FMO4: variants seen among roughly 807,000 people sequenced by gnomAD.
FMO4 encodes flavin containing dimethylaniline monoxygenase 4.
In FMO4, 38 loss-of-function variants were observed where a neutral mutation model predicts 43.3. The ratio of observed to expected loss-of-function variants is 0.88; its 90% CI spans 0.68 to 1.15. FMO4 has a LOEUF of 1.15. FMO4 is among the 50% of genes most tolerant of loss of function. FMO4 has a pLI of 0.00. For synonymous variants in FMO4, 224 were observed against 232.2 expected (o/e 0.96, Z 0.32); for missense variants, 631 against 663.3 (o/e 0.95, Z 0.54).
Position 171,334,648 on chromosome 1 carries a change from C to G in FMO4, c.1065C>G (p.Val355=), listed in dbSNP as rs1663042491. The change falls in exon 8 of 10, where the codon GTC becomes GTG. Residue 355 remains valine (V), a synonymous_variant. Transcript: ENST00000367749. Reference sequence around the variant, plus strand: ...AGAAGATATTTCTATACAAGCAAGTCTTTCCCTTAAACCTAGAGAGAGCGA... The same window carrying G: ...AGAAGATATTTCTATACAAGCAAGTGTTTCCCTTAAACCTAGAGAGAGCGA... The part of the protein sequence containing the change: ...CTKKIFLYKQ[V]FPLNLERATL... The G allele has an allele frequency of 6.2e-7, 1 of 1,613,518 alleles. No homozygotes were observed. Among genetic ancestry groups the G allele is most frequent in the Non-Finnish European group, 8.5e-7 (1 of 1,179,470 alleles).
intron 9 of FMO4, among the ~76,000 whole-genome samples, chr1:171,338,570 T>C (rs544957970): frequency 2.0e-5 from 3 of 152,282 alleles, no homozygotes; most frequent in African/African-American, 7.2e-5. Context: ...TCAGAACCTT[T>C]ACGCTCTACT....
At position 171,334,754 on chromosome 1, in the gene FMO4, G is replaced by A. The variant is rs1003206756; in HGVS notation, c.1171G>A (p.Val391Ile). 2 of 1,545,790 alleles carry A rather than the reference G, an allele frequency of 1.3e-6. No homozygotes were observed. Among genetic ancestry groups the A allele is most frequent in the Non-Finnish European group, 1.7e-6 (2 of 1,148,180 alleles). Residue 391 changes from valine (V) to isoleucine (I), a missense_variant, in exon 8 of 10, where the codon GTA (valine) becomes ATA (isoleucine). Transcript: ENST00000367749. ...TELQARWVTR[V>I]FKGLCKIPPS... ...GCTCCAAGCACGATGGGTCACAAGA[G>A]TATTCAAAGGTACCATGACTCTACT...
chr1:171,315,691 A>G (rs1337904901), intron 1 of FMO4, among the ~76,000 whole-genome samples: 1 of 152,342 alleles, frequency 6.6e-6, no homozygotes, highest in South Asian at 2.1e-4. Context: ...GGTTGCTCCC[A>G]TTCAGAAATT....
intron 3 of FMO4, among the ~76,000 whole-genome samples, chr1:171,321,909 T>C (rs1662448082): frequency 6.6e-6 from 1 of 152,192 alleles, no homozygotes. Flanking sequence ...TGCAGCGCTG[T>C]TGGGTCATGG....
chr1:171,318,141 C>A (rs1662268694), intron 2 of FMO4, among the ~76,000 whole-genome samples: 1 of 152,030 alleles, frequency 6.6e-6, no homozygotes, highest in Admixed American at 6.6e-5. Context: ...CATGGTGAAA[C>A]CCCATGTCTA....
chr1:171,319,427 G>T (rs552437091), intron 2 of FMO4, among the ~76,000 whole-genome samples: 21 of 152,144 alleles, frequency 1.4e-4, no homozygotes, highest in Non-Finnish European at 2.9e-5. Flanking sequence ...GCAACATTGG[G>T]GTGCAAAAAC....
chr1:171,323,096 C>A lies in FMO4; in HGVS notation c.225C>A (p.His75Gln), dbSNP rs375743555. The change falls in exon 4 of 10, where the codon CAC becomes CAA. Residue 75 changes from histidine to glutamine, a missense_variant. By Grantham distance (24) the His-to-Gln change is conservative. Transcript: ENST00000367749. Reference sequence around the variant, plus strand: ...CATGTTACAGTGACTTCCCTTTCCACGAAGATTATCCTAATTTCATGAACC... The same window carrying A: ...CATGTTACAGTGACTTCCCTTTCCAAGAAGATTATCCTAATTTCATGAACC... ...EMSCYSDFPF[H>Q]EDYPNFMNHE... The A allele has an allele frequency of 6.2e-7, 1 of 1,612,930 alleles. No homozygotes were observed. Among genetic ancestry groups the A allele is most frequent in the Non-Finnish European group, 8.5e-7 (1 of 1,179,086 alleles).
intron 9 of FMO4, among the ~76,000 whole-genome samples, chr1:171,340,232 G>A (rs1663313590): frequency 6.6e-6 from 1 of 152,158 alleles, no homozygotes; most frequent in Admixed American, 6.5e-5. Context: ...GAGGGCAAGT[G>A]GATGGGAATT....
intron 9 of FMO4, 73 bp downstream of exon 9, chr1:171,337,498 A>C: frequency 9.7e-7 from 1 of 1,033,724 alleles, no homozygotes; most frequent in Non-Finnish European, 1.5e-6. Context: ...AGAGTATAAA[A>C]GCCATTCCTA....
intron 6 of FMO4, 136 bp downstream of exon 6, chr1:171,331,918 A>G: frequency 2.7e-6 from 2 of 747,006 alleles, no homozygotes; most frequent in East Asian, 2.6e-5. Flanking sequence ...AAAAAAAAAC[A>G]TTGAAAATCT....
At chr1:171,328,674 G>A (rs1662772191) in intron 5 of FMO4, among the ~76,000 whole-genome samples, 1 of 151,810 alleles carries the variant, frequency 6.6e-6, no homozygotes, top group South Asian at 2.1e-4. Context: ...AGTTCTTTGA[G>A]GGTGGGAACT....
At chr1:171,326,024 T>C (rs532087102) in intron 5 of FMO4, among the ~76,000 whole-genome samples, 190 of 151,630 alleles carry the variant, frequency 1.3e-3, no homozygotes, top group African/African-American at 4.4e-3. Flanking sequence ...ATTTTTGTAT[T>C]TTTTGCAGAG....
chr1:171,334,687 C>T lies in FMO4; in HGVS notation c.1104C>T (p.Ile368=), dbSNP rs748105151. ...TAGAGAGAGCGACATTAGCCATCAT[C>T]GGCCTTATCGGCCTTAAAGGATCCA... is the stretch of plus-strand genomic sequence containing the variant. ...LNLERATLAI[I]GLIGLKGSIL... The change falls in exon 8 of 10, where the codon ATC becomes ATT. Residue 368 remains isoleucine, a synonymous_variant. Transcript: ENST00000367749. 21 of 1,612,366 alleles carry T rather than the reference C, an allele frequency of 1.3e-5. No homozygotes were observed. The highest frequency in any genetic ancestry group is 4.4e-5 in the South Asian group (4 of 90,802).
chr1:171,324,050 T>C, intron 4 of FMO4, 88 bp from the exon 5 acceptor site: 2 of 1,276,876 alleles, frequency 1.6e-6, no homozygotes, highest in Non-Finnish European at 2.1e-6. Flanking sequence ...CTTGGCCTAC[T>C]AAAAGTAACA....
At chr1:171,340,878 A>G (rs1663344927) in intron 9 of FMO4, among the ~76,000 whole-genome samples, 1 of 152,138 alleles carries the variant, frequency 6.6e-6, no homozygotes, top group Non-Finnish European at 1.5e-5. Context: ...GAGGAAAATG[A>G]GTATTTGGTC....
chr1:171,340,366 A>G (rs1363956358), intron 9 of FMO4, among the ~76,000 whole-genome samples: 2 of 152,154 alleles, frequency 1.3e-5, no homozygotes, highest in Non-Finnish European at 2.9e-5. Flanking sequence ...TAACTTCTAT[A>G]TTTTAATAGA....
chr1:171,332,907 G>A lies in FMO4; in HGVS notation c.826G>A (p.Gly276Arg). 8.2e-7 allele frequency: 1 copy of A among 1,217,932 alleles called. No individual in the cohort carries two copies. Among genetic ancestry groups the A allele is most frequent in the Non-Finnish European group, 1.2e-6 (1 of 821,618 alleles). 75.4% of individuals were successfully genotyped at this position (1,217,932 alleles called of 1,614,324 possible). A position where few individuals can be genotyped will look rare whatever the true frequency, so the allele number is the denominator to read the frequency against. Residue 276 changes from glycine to arginine, a missense_variant and splice_region_variant, in exon 7 of 10, where the codon GGG becomes AGG. Transcript: ENST00000367749. Reference protein sequence around the residue: ...HEDYGLSITKGKKAKFIVNDE... With the variant: ...HEDYGLSITKRKKAKFIVNDE... ...GGATTATGGATTAAGTATTACCAAA[G>A]GGTACTTACATTTTTTATTTAGTAG...
rs953826138 is a variant in FMO4 at position 171,316,230 on chromosome 1, G to A, written c.-106G>A. The A allele has an allele frequency of 4.6e-5, 7 of 152,156 alleles. No homozygotes were observed. The highest frequency in any genetic ancestry group is 2.6e-4 in the Admixed American group (4 of 15,272). The allele number at this position is 152,156 out of a possible 1,614,324, so 9.4% of individuals were successfully genotyped here. A position where few individuals can be genotyped will look rare whatever the true frequency, so the allele number is the denominator to read the frequency against. On this transcript the variant is annotated 5_prime_UTR_variant, in exon 2 of 10. It adds an upstream start codon to the 5' untranslated region. Transcript: ENST00000367749. The stretch of plus-strand genomic sequence containing the variant: ...TCTGCCAGCCCCAGGCCTCTACCTA[G>A]TGGCCTGGAAATTCAAGTATTCTTA...
At position 171,331,697 on chromosome 1, in the gene FMO4, G is replaced by T. The variant is rs774988951; in HGVS notation, c.542G>T (p.Gly181Val). The T allele has an allele frequency of 1.3e-5, 21 of 1,613,806 alleles. No homozygotes were observed. The highest frequency in any genetic ancestry group is 1.7e-5 in the Non-Finnish European group (20 of 1,179,844). The change falls in exon 6 of 10, where the codon GGC (glycine) becomes GTC (valine). Residue 181 changes from glycine to valine, a missense_variant. Physicochemically the swap from Gly to Val is moderately radical, Grantham distance 109 (BLOSUM62 -3). Coordinates refer to ENST00000367749, the MANE Select transcript of FMO4 (RefSeq NM_002022.3). ...AGTCAAGAGTACAAGATCCCAGAAG[G>T]CTTTCAGGGCAAACGCGTCTTGGTG... is the stretch of plus-strand genomic sequence containing the variant. ...LHSQEYKIPE[G>V]FQGKRVLVIG...
Sources: allele counts gnomAD v4.1 joint callset (sites outside exome capture counted in the v4.1 genomes callset), GRCh38; gene constraint gnomAD v4.1.1; transcripts MANE v1.5; gene names NCBI Gene and HGNC (gene_info 2026-07-23, HGNC 2026-07-21).